FBXO46: variants seen among roughly 807,000 people sequenced by gnomAD.
FBXO46 encodes the protein F-box only protein 46.
In FBXO46, 13 loss-of-function variants were observed where a neutral mutation model predicts 30.7. That is an observed-to-expected ratio of 0.42 (90% CI 0.28 to 0.67). The LOEUF is 0.67. Ranked by LOEUF, FBXO46 falls within the 30% of genes least tolerant of loss-of-function variation. The pLI, the probability that FBXO46 is intolerant of heterozygous loss-of-function variation, is 0.21. For missense variants in FBXO46, 754 were observed against 871.5 expected, an observed-to-expected ratio of 0.87 and a Z score of 1.70; for synonymous variants, 467 against 385.8, an observed-to-expected ratio of 1.21 and a Z score of -2.47.
At position 45,712,644 on chromosome 19, in the gene FBXO46, G is replaced by A. The variant is rs764861339; in HGVS notation, c.852C>T (p.Gly284=). 3.4e-5 allele frequency: 54 copies of A among 1,608,016 alleles called. 2 individuals are homozygous for A. In the South Asian group the frequency reaches 5.9e-4, roughly 17 times the overall value. Reference sequence around the variant, plus strand: ...TGCCAGGGTAGGCACAACCAGGCCTGCCCCCGCCCCCACTGGGCAGGCCGC... The same window carrying A: ...TGCCAGGGTAGGCACAACCAGGCCTACCCCCGCCCCCACTGGGCAGGCCGC... ...PDSGLPSGGG[G]RPGCAYPGSP... is the part of the protein sequence containing the mutation. Residue 284 remains glycine, a synonymous_variant, in exon 2 of 2, where the codon GGC becomes GGT. Transcript: ENST00000317683. The surrounding 1 kb of genome is among the most constrained non-coding windows in gnomAD (Gnocchi z 8.8).
intron 1 of FBXO46, among the ~76,000 whole-genome samples, chr19:45,729,818 A>G (rs941541734): frequency 6.6e-6 from 1 of 152,178 alleles, no homozygotes; most frequent in African/African-American, 2.4e-5. Context: ...CACAGTGGGG[A>G]GCCCCTACAT....
chr19:45,733,161 T>C (rs1968351138), upstream of FBXO46: 1 of 152,270 alleles, frequency 6.6e-6, no homozygotes, highest in Admixed American at 6.5e-5. The surrounding 1 kb of genome is among the most constrained non-coding windows in gnomAD (Gnocchi z 5.7). Flanking sequence ...CCAGCCTACT[T>C]GGGATGCAAC....
Position 45,712,787 on chromosome 19 carries a change from G to C in FBXO46, c.709C>G (p.Gln237Glu). The C allele has an allele frequency of 3.7e-6, 6 of 1,611,778 alleles. No individual in the cohort carries two copies. The highest frequency in any genetic ancestry group is 5.1e-6 in the Non-Finnish European group (6 of 1,178,888). The change falls in exon 2 of 2, where the codon CAG (glutamine) becomes GAG (glutamate). Residue 237 changes from glutamine to glutamate, a missense_variant. Gln to Glu is a conservative substitution (Grantham distance 29). Around this residue, in one of 5 missense-constraint regions of FBXO46, gnomAD observed 454 missense variants for 426.5 expected, o/e 1.06. Coordinates refer to ENST00000317683, the MANE Select transcript of FBXO46 (RefSeq NM_001080469.2). The surrounding 1 kb of genome is among the most constrained non-coding windows in gnomAD (Gnocchi z 8.8). ...CCCTTGGTGGGAGGGCTGTCCCTCT[G>C]CGCTTCAAAGTGGGCCACGGCCTCG... The part of the protein sequence containing the change: ...VAEAVAHFEA[Q>E]RDSPPTKGLR...
At chr19:45,722,292 C>T (rs1345367661) in intron 1 of FBXO46, among the ~76,000 whole-genome samples, 1 of 152,184 alleles carries the variant, frequency 6.6e-6, no homozygotes, top group Non-Finnish European at 1.5e-5. Context: ...ATCCTGGAAG[C>T]AGACAGGAAC....
At chr19:45,717,239 T>TAC (rs1968105581) in intron 1 of FBXO46, 1 of 136,410 alleles carries the variant, frequency 7.3e-6, no homozygotes, top group Admixed American at 7.8e-5. Flanking sequence ...CCTCGAAACC[T>TAC]ACACACGCCC....
In FBXO46 at chr19:45,713,172, C is replaced by G; in HGVS notation, c.324G>C (p.Gln108His). The change falls in exon 2 of 2, where the codon CAG (glutamine) becomes CAC (histidine). Residue 108 changes from glutamine to histidine, a missense_variant. Around this residue, in one of 5 missense-constraint regions of FBXO46, gnomAD observed 39 missense variants for 56.5 expected, o/e 0.69. Transcript: ENST00000317683. This position sits in a 1 kb window ranked among gnomAD's most constrained non-coding sequence, Gnocchi z 4.7. ...AGCTGGCCCGGCTGCCCCCACCACACTGGTGGGCCACAAAGAAGGCCACCT... is the reference window on the plus strand; with the variant it reads ...AGCTGGCCCGGCTGCCCCCACCACAGTGGTGGGCCACAAAGAAGGCCACCT... ...KEKVAFFVAHQCGGGSRASSM... is the reference protein window; with the variant it reads ...KEKVAFFVAHHCGGGSRASSM... 1 of 1,613,812 alleles carries G rather than the reference C, an allele frequency of 6.2e-7. No homozygotes were observed. Among genetic ancestry groups the G allele is most frequent in the Non-Finnish European group, 8.5e-7 (1 of 1,179,846 alleles).
chr19:45,724,884 C>T (rs1968217781), intron 1 of FBXO46, among the ~76,000 whole-genome samples: 1 of 152,138 alleles, frequency 6.6e-6, no homozygotes, highest in Non-Finnish European at 1.5e-5. Context: ...AGCTCCTGAC[C>T]TCAAGAGATC....
rs1307067247 is a variant in FBXO46, at chr19:45,712,251, C to T, written c.1245G>A (p.Gly415=). The T allele has an allele frequency of 1.2e-6, 2 of 1,604,730 alleles. No individual in the cohort carries two copies. Among genetic ancestry groups the T allele is most frequent in the Non-Finnish European group, 1.7e-6 (2 of 1,178,818 alleles). The change falls in exon 2 of 2, where the codon GGG becomes GGA. Residue 415 remains glycine, a synonymous_variant. Coordinates refer to ENST00000317683, the MANE Select transcript of FBXO46 (RefSeq NM_001080469.2). This position sits in a 1 kb window ranked among gnomAD's most constrained non-coding sequence, Gnocchi z 8.8. The part of the protein sequence containing the change: ...PGQLFFLQNR[G]PDGPPEPPPA... ...GGGGTGGCTCCGGGGGCCCGTCCGG[C>T]CCGCGGTTCTGGAGAAAGAAGAGCT...
chr19:45,714,538 CAGG>C (rs1276916913), intron 1 of FBXO46: 9 of 152,242 alleles, frequency 5.9e-5, no homozygotes, highest in African/African-American at 2.2e-4. Flanking sequence ...GGAGGAGTTC[CAGG>C]CTGCAGGGAG....
intron 1 of FBXO46, chr19:45,714,808 C>G (rs1055082597): frequency 2.0e-5 from 3 of 151,818 alleles, no homozygotes; most frequent in Non-Finnish European, 4.4e-5. Context: ...GTGGGAGTAT[C>G]GCTTGAGCCC....
chr19:45,718,051 T>C (rs1057038700), intron 1 of FBXO46, among the ~76,000 whole-genome samples: 1 of 152,126 alleles, frequency 6.6e-6, no homozygotes, highest in African/African-American at 2.4e-5. Context: ...AACCCGTCCC[T>C]ATCCTGGTGA....
upstream of FBXO46, among the ~76,000 whole-genome samples, chr19:45,732,519 C>A (rs1968333492): frequency 7.9e-6 from 1 of 125,922 alleles, no homozygotes; most frequent in East Asian, 2.2e-4. Flanking sequence ...CAAAGTGAGA[C>A]CCTCGTCTCT....
At position 45,713,049 on chromosome 19, in the gene FBXO46, GC is replaced by G; in HGVS notation, c.446del (p.Gly149AlafsTer51). 1.9e-6 allele frequency: 3 copies of G among 1,566,642 alleles called. No individual in the cohort carries two copies. Among genetic ancestry groups the G allele is most frequent in the Non-Finnish European group, 1.7e-6 (2 of 1,158,550 alleles). On this transcript the variant is annotated frameshift_variant, in exon 2 of 2. Transcript: ENST00000317683. LOFTEE classifies it high-confidence loss of function. The surrounding 1 kb of genome is among the most constrained non-coding windows in gnomAD (Gnocchi z 4.7). ...CCTCAGCAGCAGGGGGGCCCTCCCG[GC>G]CCCCTGGGTCAGGAGGAGCCTTGGT... is the stretch of plus-strand genomic sequence containing the variant. ...DPTKAPPDPGGREGPPAAEEG... is the reference protein window; with the variant it reads ...DPTKAPPDPGXREGPPAAEEG...
At position 45,713,624 on chromosome 19, in the gene FBXO46, C is replaced by G; in HGVS notation, c.-78-51G>C. The G allele has an allele frequency of 1.4e-6, 1 of 729,864 alleles. No homozygotes were observed. Among genetic ancestry groups the G allele is most frequent in the Non-Finnish European group, 2.2e-6 (1 of 446,470 alleles). The allele number at this position is 729,864 out of a possible 1,614,324, so 45.2% of individuals were successfully genotyped here. A position where few individuals can be genotyped will look rare whatever the true frequency, so the allele number is the denominator to read the frequency against. On this transcript the variant is annotated intron_variant, in intron 1 of 1. Coordinates refer to ENST00000317683, the MANE Select transcript of FBXO46 (RefSeq NM_001080469.2). The surrounding 1 kb of genome is among the most constrained non-coding windows in gnomAD (Gnocchi z 4.7). ...GAGCTAGGGGGACAGCCTTTCTTCC[C>G]AGGACCACCCCAACCTCCACCTCTC...
intron 1 of FBXO46, among the ~76,000 whole-genome samples, chr19:45,725,856 T>C (rs959928714): frequency 6.6e-5 from 10 of 152,092 alleles, no homozygotes; most frequent in Admixed American, 6.6e-4. Flanking sequence ...TTTCTTTTTG[T>C]TTTGTTGTTG....
At chr19:45,726,314 C>G (rs1968239221) in intron 1 of FBXO46, among the ~76,000 whole-genome samples, 1 of 152,044 alleles carries the variant, frequency 6.6e-6, no homozygotes, top group Admixed American at 6.6e-5. Flanking sequence ...CCACCGCACT[C>G]CAGCCTAGGA....
At chr19:45,718,077 C>T (rs997520410) in intron 1 of FBXO46, among the ~76,000 whole-genome samples, 1 of 152,134 alleles carries the variant, frequency 6.6e-6, no homozygotes, top group Non-Finnish European at 1.5e-5. Flanking sequence ...TGCCATGGCT[C>T]CCCAGTGCCC....
At chr19:45,714,842 T>C (rs565376352) in intron 1 of FBXO46, 3 of 152,066 alleles carry the variant, frequency 2.0e-5, no homozygotes, top group African/African-American at 7.2e-5. Context: ...TGCAGTGAGC[T>C]GTGATGCTGT....
At position 45,712,266 on chromosome 19, in the gene FBXO46, A is replaced by G; in HGVS notation, c.1230T>C (p.Phe410=). ...GCCCGTCCGGCCCGCGGTTCTGGAG[A>G]AAGAAGAGCTGGCCCGGAGGCGGCG... is the stretch of plus-strand genomic sequence containing the variant. The part of the protein sequence containing the change: ...EEPPPPGQLF[F]LQNRGPDGPP... The change falls in exon 2 of 2, where the codon TTT becomes TTC. Residue 410 remains phenylalanine, a synonymous_variant. Transcript: ENST00000317683. The surrounding 1 kb of genome is among the most constrained non-coding windows in gnomAD (Gnocchi z 8.8). 6.2e-7 allele frequency: 1 copy of G among 1,604,456 alleles called. No individual in the cohort carries two copies. Among genetic ancestry groups the G allele is most frequent in the Non-Finnish European group, 8.5e-7 (1 of 1,179,304 alleles).
Sources: gnomAD v4.1 joint callset for allele counts (sites outside exome capture counted in the v4.1 genomes callset) on GRCh38, gnomAD v4.1.1 for gene constraint, gnomAD v4.1.1 regional missense constraint, Gnocchi (gnomAD v3.1) non-coding constraint, MANE v1.5 for transcripts, NCBI Gene and HGNC (gene_info 2026-07-23, HGNC 2026-07-21) for gene names.